Variants in MAP2K5 observed in about 807,000 individuals in gnomAD.
MAP2K5 encodes the protein mitogen-activated protein kinase kinase 5, also known as dual specificity mitogen-activated protein kinase kinase 5.
In MAP2K5, 49 loss-of-function variants were observed where a neutral mutation model predicts 83.1. The ratio of observed to expected loss-of-function variants is 0.59; its 90% CI spans 0.47 to 0.75. MAP2K5 has a LOEUF of 0.75. MAP2K5 is among the 30% of genes least tolerant of loss of function. The pLI is 0.00. For missense variants in MAP2K5, 457 were observed against 557.5 expected (o/e 0.82, Z 1.82); for synonymous variants, 202 against 191.8 (o/e 1.05, Z -0.44).
In MAP2K5 at chr15:67,708,972, A is replaced by G. The variant is rs774616645; in HGVS notation, c.1044+5564A>G. 7.2e-5 allele frequency among the ~76,000 whole-genome samples: 11 copies of G among 152,176 alleles called. No individual in the cohort carries two copies. The highest frequency in any genetic ancestry group is 1.6e-4 in the Non-Finnish European group (11 of 68,032). ...CAGGTTTTTGTCAACTGAATGTAGT[A>G]TTTGGAGTTGGCAGATGTAACAAAA... On this transcript the variant is annotated intron_variant, in intron 16 of 21. Coordinates refer to ENST00000178640, the MANE Select transcript of MAP2K5 (RefSeq NM_145160.3). The surrounding 1 kb of genome is among the most constrained non-coding windows in gnomAD (Gnocchi z 4.9).
In MAP2K5 at chr15:67,783,340, G is replaced by A. The variant is rs1236588464; in HGVS notation, c.1242+10588G>A. ...CACCCTCACCTACCCCTTCACCTCA[G>A]GCCACTCCTGTGGAGTCCTGTGCTC... On this transcript the variant is annotated intron_variant, in intron 21 of 21. Coordinates refer to ENST00000178640, the MANE Select transcript of MAP2K5 (RefSeq NM_145160.3). The surrounding 1 kb of genome is among the most constrained non-coding windows in gnomAD (Gnocchi z 5.1). 6.6e-6 allele frequency among the ~76,000 whole-genome samples: 1 copy of A among 152,146 alleles called. No individual in the cohort carries two copies. Among genetic ancestry groups the A allele is most frequent in the African/African-American group, 2.4e-5 (1 of 41,420 alleles).
rs1392746607 is a variant in MAP2K5 at position 67,665,619 on chromosome 15, TTTC to T, written c.847+979_847+981del. ...GTTTTAATATCCTAGTGATTCCACA[TTTC>T]TTCTGAAATCCTCCTTTTTAATGAG... On this transcript the variant is annotated intron_variant, in intron 13 of 21. Coordinates refer to ENST00000178640, the MANE Select transcript of MAP2K5 (RefSeq NM_145160.3). This position sits in a 1 kb window ranked among gnomAD's most constrained non-coding sequence, Gnocchi z 4.2. Among the ~76,000 whole-genome samples, 1 of 152,224 alleles carries T rather than the reference TTTC, an allele frequency of 6.6e-6. No homozygotes were observed. Among genetic ancestry groups the T allele is most frequent in the Admixed American group, 6.5e-5 (1 of 15,276 alleles).
chr15:67,571,109 T>C (rs2084939719), intron 3 of MAP2K5, among the ~76,000 whole-genome samples: 1 of 152,212 alleles, frequency 6.6e-6, no homozygotes, highest in Admixed American at 6.5e-5. Flanking sequence ...CCTGTAAACA[T>C]TTGTGCCCTG....
chr15:67,705,293 T>C (rs1319996503), intron 16 of MAP2K5, among the ~76,000 whole-genome samples: 1 of 152,168 alleles, frequency 6.6e-6, no homozygotes, highest in African/African-American at 2.4e-5. Flanking sequence ...GTATAGGCAA[T>C]GGGGATAGAG....
At chr15:67,686,879 CA>C (rs2087972007) in intron 13 of MAP2K5, among the ~76,000 whole-genome samples, 1 of 151,996 alleles carries the variant, frequency 6.6e-6, no homozygotes, top group Admixed American at 6.6e-5. Flanking sequence ...ACAGAATGAA[CA>C]AAGGTTTAAT....
chr15:67,803,666 G>T lies in MAP2K5; in HGVS notation c.1243-2980G>T, dbSNP rs554125488. ...GTATTTTCCCTGAATCCCATGCAGG[G>T]CTGATGGGAGGAGGGGGAGTCAGTG... On this transcript the variant is annotated intron_variant, in intron 21 of 21. Coordinates refer to ENST00000178640, the MANE Select transcript of MAP2K5 (RefSeq NM_145160.3). 2.5e-4 allele frequency among the ~76,000 whole-genome samples: 38 copies of T among 152,312 alleles called. 1 individual carries two copies. The highest frequency in any genetic ancestry group is 1.0e-3 in the Admixed American group (16 of 15,300).
chr15:67,554,773 C>G (rs967658552), intron 2 of MAP2K5, among the ~76,000 whole-genome samples: 1 of 152,178 alleles, frequency 6.6e-6, no homozygotes, highest in Non-Finnish European at 1.5e-5. Context: ...AGCTTGCTGC[C>G]TTAGAGGAAC....
intron 4 of MAP2K5, 172 bp from the exon 5 acceptor site, chr15:67,585,718 T>A: frequency 1.7e-6 from 1 of 586,578 alleles, no homozygotes; most frequent in Non-Finnish European, 3.1e-6. Context: ...TGCTCACTCC[T>A]GCAAGTTAAA....
rs1375463565 is a variant in MAP2K5 at position 67,783,392 on chromosome 15, T to A, written c.1242+10640T>A. ...AAACTTCTGGCAGTCCCCAGATGCG[T>A]GAGGCATCCTCACACAGTCATGTCT... On this transcript the variant is annotated intron_variant, in intron 21 of 21. Coordinates refer to ENST00000178640, the MANE Select transcript of MAP2K5 (RefSeq NM_145160.3). This position sits in a 1 kb window ranked among gnomAD's most constrained non-coding sequence, Gnocchi z 5.1. Among the ~76,000 whole-genome samples the A allele has an allele frequency of 2.0e-5, 3 of 152,198 alleles. No homozygotes were observed.
chr15:67,577,954 T>C lies in MAP2K5; in HGVS notation c.253-2800T>C, dbSNP rs1214979555. Among the ~76,000 whole-genome samples the C allele has an allele frequency of 6.6e-6, 1 of 152,078 alleles. No homozygotes were observed. The highest frequency in any genetic ancestry group is 1.9e-4 in the East Asian group (1 of 5,194). ...GGTGTAGGTTGCAGTGGGCCAAGAT[T>C]GTGCCACTGTACTCTAGCCTGGGTG... On this transcript the variant is annotated intron_variant, in intron 3 of 21. Coordinates refer to ENST00000178640, the MANE Select transcript of MAP2K5 (RefSeq NM_145160.3). This position sits in a 1 kb window ranked among gnomAD's most constrained non-coding sequence, Gnocchi z 4.1.
intron 17 of MAP2K5, among the ~76,000 whole-genome samples, chr15:67,729,585 A>G (rs568953111): frequency 1.3e-5 from 2 of 152,038 alleles, no homozygotes; most frequent in African/African-American, 4.8e-5. Flanking sequence ...CCTGGCTAAC[A>G]TGGTGAAACC....
chr15:67,740,216 C>CTA (rs140912431), intron 17 of MAP2K5, among the ~76,000 whole-genome samples: 2 of 152,250 alleles, frequency 1.3e-5, no homozygotes, highest in East Asian at 3.9e-4. Context: ...TCTAGTATAG[C>CTA]GCCTGGCATA....
At chr15:67,678,370 G>C (rs1307709376) in intron 13 of MAP2K5, among the ~76,000 whole-genome samples, 1 of 152,162 alleles carries the variant, frequency 6.6e-6, no homozygotes. Context: ...AAAAGTTGAA[G>C]AGAAGTTTAT....
intron 8 of MAP2K5, among the ~76,000 whole-genome samples, chr15:67,620,799 T>A (rs1413404899): frequency 6.6e-6 from 1 of 152,162 alleles, no homozygotes; most frequent in East Asian, 1.9e-4. Flanking sequence ...CAGGTATGAT[T>A]GTTAAAAATT....
intron 9 of MAP2K5, 43 bp downstream of exon 9, chr15:67,630,970 C>T (rs2086460956): frequency 7.0e-7 from 1 of 1,437,496 alleles, no homozygotes; most frequent in Admixed American, 1.8e-5. Context: ...ATGTTCACCT[C>T]TTTCCTTTCC....
chr15:67,699,664 G>A (rs1348429146), intron 15 of MAP2K5, among the ~76,000 whole-genome samples: 1 of 152,094 alleles, frequency 6.6e-6, no homozygotes, highest in Non-Finnish European at 1.5e-5. Context: ...GGAAAAACTA[G>A]CAAGCAAAGA....
chr15:67,713,956 T>A (rs1287597395), intron 16 of MAP2K5, among the ~76,000 whole-genome samples: 1 of 152,222 alleles, frequency 6.6e-6, no homozygotes, highest in Non-Finnish European at 1.5e-5. Flanking sequence ...AGTGTGATCT[T>A]AGCCAGTTCA....
At chr15:67,673,239 C>T (rs1459346991) in intron 13 of MAP2K5, among the ~76,000 whole-genome samples, 1 of 151,688 alleles carries the variant, frequency 6.6e-6, no homozygotes, top group African/African-American at 2.4e-5. Context: ...AATGGTAGAT[C>T]CACCGGAAGT....
At chr15:67,716,300 C>T (rs962138639) in intron 16 of MAP2K5, among the ~76,000 whole-genome samples, 1 of 152,070 alleles carries the variant, frequency 6.6e-6, no homozygotes, top group Non-Finnish European at 1.5e-5. Flanking sequence ...ATGATCATGC[C>T]ATTGCACTCC....
Sources: allele counts gnomAD v4.1 joint callset (sites outside exome capture counted in the v4.1 genomes callset), GRCh38; gene constraint gnomAD v4.1.1; non-coding constraint Gnocchi (gnomAD v3.1); transcripts MANE v1.5; gene names NCBI Gene and HGNC (gene_info 2026-07-23, HGNC 2026-07-21).